Variants in DMXL1 observed in about 807,000 individuals in gnomAD.
The protein encoded by DMXL1 is dmX-like protein 1.
A neutral mutation model predicts 319.2 loss-of-function variants in DMXL1; 99 were observed. That is an observed-to-expected ratio of 0.31 (90% CI 0.26 to 0.37). The LOEUF (loss-of-function observed/expected upper bound fraction) is 0.37. DMXL1 is among the 10% of genes least tolerant of loss of function. DMXL1 has a pLI of 1.00. For missense variants in DMXL1, 3,745 were observed against 3,595.6 expected (o/e 1.04, Z -1.06); for synonymous variants, 1,385 against 1,235.2 (o/e 1.12, Z -2.54).
At chr5:119,159,955 C>G (rs935370061) in intron 19 of DMXL1, among the ~76,000 whole-genome samples, 1 of 152,112 alleles carries the variant, frequency 6.6e-6, no homozygotes, top group African/African-American at 2.4e-5. Flanking sequence ...AAGGAGTTGT[C>G]AATTATATTT....
intron 14 of DMXL1, 51 bp downstream of exon 14, chr5:119,143,981 C>G (rs1243029835): frequency 8.6e-7 from 1 of 1,164,548 alleles, no homozygotes; most frequent in East Asian, 2.5e-5. Context: ...TTTATGAAAG[C>G]ATTTTGCATA....
chr5:119,175,501 G>A (rs1581163897), intron 26 of DMXL1, among the ~76,000 whole-genome samples, 164 bp downstream of exon 26: 1 of 151,984 alleles, frequency 6.6e-6, no homozygotes, highest in African/African-American at 2.4e-5. Context: ...AATTTTTATG[G>A]CAGATGAATC....
intron 1 of DMXL1, among the ~76,000 whole-genome samples, chr5:119,072,883 T>G (rs1749947724): frequency 6.6e-6 from 1 of 152,168 alleles, no homozygotes; most frequent in South Asian, 2.1e-4. Flanking sequence ...AGGGTCCCAG[T>G]GAGCAACTAT....
At chr5:119,192,464 A>G (rs1164518226) in intron 29 of DMXL1, among the ~76,000 whole-genome samples, 1 of 152,046 alleles carries the variant, frequency 6.6e-6, no homozygotes, top group African/African-American at 2.4e-5. Flanking sequence ...GTTCCCACTC[A>G]CATTCAGCTT....
chr5:119,081,800 A>C, intron 1 of DMXL1: 1 of 868,462 alleles, frequency 1.2e-6, no homozygotes, highest in East Asian at 1.2e-4. Flanking sequence ...TTTGGCCATA[A>C]GTTATAAAGG....
intron 1 of DMXL1, among the ~76,000 whole-genome samples, chr5:119,080,242 G>A (rs750651728): frequency 1.7e-4 from 26 of 152,126 alleles, no homozygotes; most frequent in Non-Finnish European, 3.4e-4. Context: ...AGCTACTCGG[G>A]AGGTTGAGGC....
intron 7 of DMXL1, among the ~76,000 whole-genome samples, chr5:119,117,177 T>C (rs1368203818): frequency 6.6e-6 from 1 of 152,122 alleles, no homozygotes; most frequent in Non-Finnish European, 1.5e-5. Context: ...TACAGGTGTG[T>C]GCCACCATGC....
chr5:119,122,641 G>C lies in DMXL1; in HGVS notation c.1102+1502G>C, dbSNP rs1425929183. 7.9e-5 allele frequency among the ~76,000 whole-genome samples: 12 copies of C among 151,038 alleles called. No individual in the cohort carries two copies. In the South Asian group the frequency reaches 2.5e-3, roughly 32 times the overall value. ...ACTTCTCAGACGGGGCGGCCGGGCA[G>C]AGACGCCCTTCCCCTCCCAGACGGG... On this transcript the variant is annotated intron_variant, in intron 9 of 43. Transcript: ENST00000539542.
At chr5:119,182,353 G>A (rs759714862) in intron 28 of DMXL1, among the ~76,000 whole-genome samples, 10 of 152,060 alleles carry the variant, frequency 6.6e-5, no homozygotes, top group Admixed American at 3.3e-4. Flanking sequence ...GATGAAATAC[G>A]TGCATATTGA....
chr5:119,237,370 T>A lies in DMXL1; in HGVS notation c.8515T>A (p.Trp2839Arg). 11 of 1,604,630 alleles carry A rather than the reference T, an allele frequency of 6.9e-6. No homozygotes were observed. The highest frequency in any genetic ancestry group is 9.4e-6 in the Non-Finnish European group (11 of 1,173,892). Residue 2839 changes from tryptophan (W) to arginine (R), a missense_variant, in exon 40 of 44, where the codon TGG (tryptophan) becomes AGG (arginine). Physicochemically the swap from Trp to Arg is moderately radical, Grantham distance 101. This residue lies in a region of DMXL1 where 262 missense variants were observed against 320.5 expected (regional missense o/e 0.82). Coordinates refer to ENST00000539542, the MANE Select transcript of DMXL1 (RefSeq NM_001290321.3). ...DGYLSLYQTN[W>R]KCCPVTGSMP... ...ATATTTAAGTTTGTATCAAACAAAC[T>A]GGAAATGTTGTCCAGTTACTGGAAG...
At position 119,233,428 on chromosome 5, in the gene DMXL1, A is replaced by C; in HGVS notation, c.8427A>C (p.Ser2809=). 1 of 1,612,152 alleles carries C rather than the reference A, an allele frequency of 6.2e-7. No homozygotes were observed. Among genetic ancestry groups the C allele is most frequent in the Non-Finnish European group, 8.5e-7 (1 of 1,178,500 alleles). Residue 2809 remains serine, a synonymous_variant, in exon 39 of 44, where the codon TCA becomes TCC. Coordinates refer to ENST00000539542, the MANE Select transcript of DMXL1 (RefSeq NM_001290321.3). ...CCTGTTTTCGATCTGGTGGCAATTC[A>C]AGAGTTACAAGAATGAGATTTAACT... The part of the protein sequence containing the change: ...QITCFRSGGN[S]RVTRMRFNYQ...
At chr5:119,147,101 T>C (rs1200994582) in intron 16 of DMXL1, 145 bp downstream of exon 16, 2 of 1,145,132 alleles carry the variant, frequency 1.7e-6, no homozygotes, top group East Asian at 5.1e-5. Context: ...TTCAAAAAGC[T>C]TTTCTTATTT....
intron 28 of DMXL1, among the ~76,000 whole-genome samples, chr5:119,182,214 C>G (rs1000287238): frequency 1.3e-5 from 2 of 152,146 alleles, no homozygotes; most frequent in Non-Finnish European, 2.9e-5. Context: ...GAAAAGTTGA[C>G]TTGAATCCAG....
chr5:119,196,417 T>C lies in DMXL1; in HGVS notation c.7504T>C (p.Leu2502=). 1 of 1,613,946 alleles carries C rather than the reference T, an allele frequency of 6.2e-7. No homozygotes were observed. Among genetic ancestry groups the C allele is most frequent in the Non-Finnish European group, 8.5e-7 (1 of 1,179,882 alleles). Residue 2502 remains leucine, a synonymous_variant, in exon 31 of 44, where the codon TTG becomes CTG. Coordinates refer to ENST00000539542, the MANE Select transcript of DMXL1 (RefSeq NM_001290321.3). ...LAMVQLVLNN[L]KTFYPFAGHD... Reference sequence around the variant, plus strand: ...GATGGTGCAATTGGTGCTCAACAATTTGAAGACTTTTTATCCCTTCGCAGG... The same window carrying C: ...GATGGTGCAATTGGTGCTCAACAATCTGAAGACTTTTTATCCCTTCGCAGG...
At chr5:119,140,437 ACT>A (rs1368020208) in intron 13 of DMXL1, among the ~76,000 whole-genome samples, 1 of 152,114 alleles carries the variant, frequency 6.6e-6, no homozygotes, top group East Asian at 1.9e-4. Context: ...TTAACCACTG[ACT>A]CTACAGAAAT....
At chr5:119,120,288 G>C (rs933435255) in intron 8 of DMXL1, among the ~76,000 whole-genome samples, 1 of 152,200 alleles carries the variant, frequency 6.6e-6, no homozygotes, top group Non-Finnish European at 1.5e-5. Context: ...ATAGTATTCT[G>C]ATGCCTCAGA....
intron 3 of DMXL1, among the ~76,000 whole-genome samples, chr5:119,104,604 T>C (rs1364771514): frequency 6.6e-6 from 1 of 152,222 alleles, no homozygotes; most frequent in East Asian, 1.9e-4. Flanking sequence ...TATCAGAGTA[T>C]GTCACATGTA....
Position 119,206,590 on chromosome 5 carries a change from G to T in DMXL1, c.7864-244G>T, listed in dbSNP as rs150351982. ...TCGAAATTGAGTAAAAACTTCTTAG[G>T]GTTAGAATAAAATTTATAGTGGTAG... On this transcript the variant is annotated intron_variant, in intron 33 of 43. Transcript: ENST00000539542. The T allele has an allele frequency of 4.8e-4, 139 of 290,918 alleles. 1 individual carries two copies. In the Middle Eastern group the frequency reaches 8.4e-3, roughly 18 times the overall value. 18.0% of individuals were successfully genotyped at this position (290,918 alleles called of 1,614,324 possible).
chr5:119,191,727 G>A (rs895387831), intron 29 of DMXL1, among the ~76,000 whole-genome samples: 4 of 151,980 alleles, frequency 2.6e-5, no homozygotes, highest in African/African-American at 7.3e-5. Context: ...AATGCCTGTG[G>A]GCCTAGAATT....
Sources: gnomAD v4.1 joint callset for allele counts (sites outside exome capture counted in the v4.1 genomes callset) on GRCh38, gnomAD v4.1.1 for gene constraint, gnomAD v4.1.1 regional missense constraint, MANE v1.5 for transcripts, NCBI Gene and HGNC (gene_info 2026-07-23, HGNC 2026-07-21) for gene names.